The following MSRB2 variants were observed in gnomAD, a reference collection of about 807,000 sequenced individuals.
MSRB2 encodes the protein methionine sulfoxide reductase B2.
MSRB2 carries 17 observed loss-of-function variants against 19.0 expected under a neutral mutation model. That is an observed-to-expected ratio of 0.89 (90% CI 0.61 to 1.34). The LOEUF (loss-of-function observed/expected upper bound fraction) is 1.34, where lower values mean the gene tolerates loss of function less well. MSRB2 is among the 40% of genes most tolerant of loss of function. The probability of loss-of-function intolerance (pLI) is 0.00; values close to 1 mark genes in which losing one functional copy is unlikely to be tolerated. For missense variants in MSRB2, 208 were observed against 237.6 expected (o/e 0.88, Z 0.82); for synonymous variants, 107 against 99.7 (o/e 1.07, Z -0.44).
intron 3 of MSRB2, among the ~76,000 whole-genome samples, chr10:23,118,330 G>GTT (rs199691499): frequency 6.6e-4 from 57 of 86,574 alleles, no homozygotes; most frequent in Admixed American, 1.4e-3. Context: ...TCTTAGATTA[G>GTT]TTTTTTGTTT....
Position 23,110,268 on chromosome 10 carries a change from C to T in MSRB2, c.246C>T (p.Asn82=), listed in dbSNP as rs1840035344. ...EPPFSGIYLN[N]KEAGMYHCVC... is the part of the protein sequence containing the mutation. ...CTTTCAGTGGGATCTACCTGAATAACAAGGAAGCAGGAATGTATCATTGCG... is the reference window on the plus strand; with the variant it reads ...CTTTCAGTGGGATCTACCTGAATAATAAGGAAGCAGGAATGTATCATTGCG... The change falls in exon 3 of 5, where the codon AAC becomes AAT. Residue 82 remains asparagine, a synonymous_variant. Coordinates refer to ENST00000376510, the MANE Select transcript of MSRB2 (RefSeq NM_012228.4). The T allele has an allele frequency of 6.2e-7, 1 of 1,613,912 alleles. No individual in the cohort carries two copies. Among genetic ancestry groups the T allele is most frequent in the Non-Finnish European group, 8.5e-7 (1 of 1,179,876 alleles).
intron 1 of MSRB2, among the ~76,000 whole-genome samples, chr10:23,098,021 G>C (rs930143173): frequency 1.3e-5 from 2 of 152,134 alleles, no homozygotes; most frequent in Non-Finnish European, 2.9e-5. Context: ...ACTGAAAAAG[G>C]AAAGTAAGAA....
At chr10:23,118,885 T>G (rs990083757) in intron 3 of MSRB2, among the ~76,000 whole-genome samples, 2 of 152,206 alleles carry the variant, frequency 1.3e-5, no homozygotes, top group Non-Finnish European at 2.9e-5. Flanking sequence ...CATGACTTTC[T>G]CATCAGACCT....
Position 23,095,690 on chromosome 10 carries a change from G to A in MSRB2, c.82G>A (p.Gly28Ser). ...RRAVRGQAGG[G>S]GPGTGPGLGE... is the part of the protein sequence containing the mutation. ...GGCGGTGCGGGGCCAAGCGGGCGGC[G>A]GCGGGCCCGGCACCGGGCCGGGACT... is the stretch of plus-strand genomic sequence containing the variant. The change falls in exon 1 of 5, where the codon GGC becomes AGC. Residue 28 changes from glycine to serine, a missense_variant. Physicochemically the swap from Gly to Ser is moderately conservative, Grantham distance 56 (BLOSUM62 0). Transcript: ENST00000376510. 7.6e-7 allele frequency: 1 copy of A among 1,318,598 alleles called. No individual in the cohort carries two copies. Among genetic ancestry groups the A allele is most frequent in the Middle Eastern group, 2.9e-4 (1 of 3,470 alleles). 81.7% of individuals were successfully genotyped at this position (1,318,598 alleles called of 1,614,324 possible). A position where few individuals can be genotyped will look rare whatever the true frequency, so the allele number is the denominator to read the frequency against.
At chr10:23,101,893 C>T (rs1346060253) in intron 1 of MSRB2, among the ~76,000 whole-genome samples, 2 of 152,044 alleles carry the variant, frequency 1.3e-5, no homozygotes, top group South Asian at 2.1e-4. Flanking sequence ...TTCTCAAGAC[C>T]CCTCATCCGG....
At chr10:23,103,311 A>T (rs1267971263) in intron 1 of MSRB2, among the ~76,000 whole-genome samples, 2 of 152,222 alleles carry the variant, frequency 1.3e-5, no homozygotes. Flanking sequence ...TCAGTGCCAT[A>T]GTCAGATTAC....
At chr10:23,120,664 G>A (rs776903800) in intron 4 of MSRB2, 94 bp from the exon 5 acceptor site, 56 of 830,506 alleles carry the variant, frequency 6.7e-5, no homozygotes, top group African/African-American at 1.0e-4. Context: ...GTCAGACTCC[G>A]GAGTGGAGTG....
At chr10:23,096,348 C>CTGTGTGTGTGTGTGTGTGTG (rs1471780853) in intron 1 of MSRB2, among the ~76,000 whole-genome samples, 31 of 58,454 alleles carry the variant, frequency 5.3e-4, no homozygotes, top group African/African-American at 2.4e-3. Context: ...GTCTCTCTCT[C>CTGTGTGTGTGTGTGTGTGTG]TCTCTGTGTG....
intron 1 of MSRB2, among the ~76,000 whole-genome samples, chr10:23,096,907 C>T (rs1047697423): frequency 7.2e-5 from 11 of 152,180 alleles, no homozygotes; most frequent in African/African-American, 2.4e-4. Flanking sequence ...GTAACTACTT[C>T]ATGGCTGTAA....
In MSRB2 at chr10:23,104,264, A is replaced by G. The variant is rs1839961529; in HGVS notation, c.219+20A>G. On this transcript the variant is annotated intron_variant, in intron 2 of 4. Coordinates refer to ENST00000376510, the MANE Select transcript of MSRB2 (RefSeq NM_012228.4). ...GAACCGGTAAGCTAAGCTGGTTTAC[A>G]GTTTTCTGATTGCATGTGTTGGCAG... The G allele has an allele frequency of 1.9e-6, 3 of 1,606,740 alleles. No homozygotes were observed. The highest frequency in any genetic ancestry group is 2.6e-6 in the Non-Finnish European group (3 of 1,175,996).
intron 2 of MSRB2, among the ~76,000 whole-genome samples, chr10:23,104,681 C>T (rs1839965081): frequency 6.6e-6 from 1 of 152,174 alleles, no homozygotes; most frequent in South Asian, 2.1e-4. Flanking sequence ...TATGAGATGG[C>T]TAATAAGGTC....
intron 3 of MSRB2, among the ~76,000 whole-genome samples, chr10:23,118,195 G>A (rs550886093): frequency 4.6e-5 from 7 of 152,212 alleles, no homozygotes; most frequent in African/African-American, 1.7e-4. Flanking sequence ...GGACATGAGG[G>A]GTGCCGAGAC....
chr10:23,103,722 A>C lies in MSRB2; in HGVS notation c.119-422A>C, dbSNP rs370670999. ...ATAAACTAGCAAGGGAGAAGAGTTT[A>C]ATAACCGACTAGCTCACAGTTCTTT... On this transcript the variant is annotated intron_variant, in intron 1 of 4. Transcript: ENST00000376510. 7.9e-5 allele frequency among the ~76,000 whole-genome samples: 12 copies of C among 152,332 alleles called. No homozygotes were observed. The South Asian group carries it at 1.7e-3, about 21-fold the overall frequency.
rs746374626 is a variant in MSRB2, at chr10:23,095,735, C to T, written c.118+9C>T. 8.1e-5 allele frequency: 101 copies of T among 1,245,852 alleles called. 1 individual carries two copies. The highest frequency in any genetic ancestry group is 9.6e-5 in the Non-Finnish European group (96 of 995,790). 77.2% of individuals were successfully genotyped at this position (1,245,852 alleles called of 1,614,324 possible). A position where few individuals can be genotyped will look rare whatever the true frequency, so the allele number is the denominator to read the frequency against. ...GGGACTGGGGGAGGCAGGTAGGACG[C>T]GGGTCCCGCAGGCCCCGCCGCCGCC... is the stretch of plus-strand genomic sequence containing the variant. On this transcript the variant is annotated intron_variant, in intron 1 of 4. Coordinates refer to ENST00000376510, the MANE Select transcript of MSRB2 (RefSeq NM_012228.4).
At chr10:23,119,874 C>T (rs575719886) in intron 4 of MSRB2, among the ~76,000 whole-genome samples, 12 of 151,930 alleles carry the variant, frequency 7.9e-5, no homozygotes, top group Admixed American at 4.6e-4. Flanking sequence ...GGATTACAGG[C>T]GTGGGCCACC....
intron 1 of MSRB2, among the ~76,000 whole-genome samples, chr10:23,096,782 T>C: frequency 6.6e-6 from 1 of 152,242 alleles, no homozygotes; most frequent in East Asian, 1.9e-4. Context: ...TGACATTTGC[T>C]GTGAGCCTAC....
intron 2 of MSRB2, 34 bp downstream of exon 2, chr10:23,104,278 A>G (rs1280753556): frequency 7.5e-6 from 12 of 1,594,032 alleles, no homozygotes; most frequent in Non-Finnish European, 1.0e-5. Context: ...TTCTGATTGC[A>G]TGTGTTGGCA....
At position 23,113,793 on chromosome 10, in the gene MSRB2, C is replaced by T. The variant is rs1049444086; in HGVS notation, c.296+3475C>T. Among the ~76,000 whole-genome samples, 24 of 152,012 alleles carry T rather than the reference C, an allele frequency of 1.6e-4. 1 individual carries two copies. The highest frequency in any genetic ancestry group is 4.6e-4 in the African/African-American group (19 of 41,384). On this transcript the variant is annotated intron_variant, in intron 3 of 4. Coordinates refer to ENST00000376510, the MANE Select transcript of MSRB2 (RefSeq NM_012228.4). ...AAAACGGAAGCAGAGATTGGTGATCCGCAGCTACAAACCGAAGACTGCCTA... is the reference window on the plus strand; with the variant it reads ...AAAACGGAAGCAGAGATTGGTGATCTGCAGCTACAAACCGAAGACTGCCTA...
intron 3 of MSRB2, among the ~76,000 whole-genome samples, chr10:23,111,026 T>C (rs1840045443): frequency 6.6e-6 from 1 of 152,174 alleles, no homozygotes; most frequent in African/African-American, 2.4e-5. Context: ...CCTAAATTGG[T>C]TTAGAATAAA....
Sources: allele counts gnomAD v4.1 joint callset (sites outside exome capture counted in the v4.1 genomes callset), GRCh38; gene constraint gnomAD v4.1.1; transcripts MANE v1.5; gene names NCBI Gene and HGNC (gene_info 2026-07-23, HGNC 2026-07-21).